PLCD3: variants seen among roughly 807,000 people sequenced by gnomAD.
The protein encoded by PLCD3 is phospholipase C delta 3.
In PLCD3, 62 loss-of-function variants were observed where a neutral mutation model predicts 82.8. That is an observed-to-expected ratio of 0.75 (90% CI 0.61 to 0.93). The LOEUF is 0.93. Ranked by LOEUF, PLCD3 falls within the 40% of genes least tolerant of loss-of-function variation. The pLI, the probability that PLCD3 is intolerant of heterozygous loss-of-function variation, is 0.00. For missense variants in PLCD3, 1,023 were observed against 1,103.4 expected, an observed-to-expected ratio of 0.93 and a Z score of 1.03; for synonymous variants, 478 against 471.8, an observed-to-expected ratio of 1.01 and a Z score of -0.17.
intron 1 of PLCD3, among the ~76,000 whole-genome samples, chr17:45,127,569 A>G (rs2054390422): frequency 6.6e-6 from 1 of 152,188 alleles, no homozygotes; most frequent in African/African-American, 2.4e-5. Context: ...CAGAGAGGAC[A>G]AGCCCTGTGT....
In PLCD3 at chr17:45,118,161, A is replaced by G. The variant is rs1316304815; in HGVS notation, c.1116-23T>C. On this transcript the variant is annotated intron_variant, in intron 6 of 14. Transcript: ENST00000619929. The surrounding 1 kb of genome is among the most constrained non-coding windows in gnomAD (Gnocchi z 4.1). ...GCCCTGTGTGTGGACAGATGGGTGG[A>G]CGGGCAAGGTGTTGCCAGAGTGCCA... The G allele has an allele frequency of 2.5e-6, 4 of 1,613,784 alleles. No homozygotes were observed. Among genetic ancestry groups the G allele is most frequent in the Middle Eastern group, 1.6e-4 (1 of 6,076 alleles).
At position 45,118,032 on chromosome 17, in the gene PLCD3, G is replaced by T; in HGVS notation, c.1222C>A (p.Arg408=). 1 of 1,613,640 alleles carries T rather than the reference G, an allele frequency of 6.2e-7. No individual in the cohort carries two copies. Among genetic ancestry groups the T allele is most frequent in the Non-Finnish European group, 8.5e-7 (1 of 1,179,780 alleles). The change falls in exon 7 of 15, where the codon CGG becomes AGG. Residue 408 remains arginine (R), a synonymous_variant. Transcript: ENST00000619929. This position sits in a 1 kb window ranked among gnomAD's most constrained non-coding sequence, Gnocchi z 4.1. The part of the protein sequence containing the change: ...GHTLTSKILF[R]DVVQAVRDHA... ...TCGCGCACGGCTTGGACCACGTCCC[G>T]GAAGAGAATCTTGGAGGTGAGGGTA...
rs73316974 is a variant in PLCD3, at chr17:45,131,590, C to T, written c.163+658G>A. On this transcript the variant is annotated intron_variant, in intron 1 of 14. Transcript: ENST00000619929. ...ACTTGTGAAATGAGGATTCACCTCCCACCTAGGAAGTCGAGGAAGATTGCA... is the reference window on the plus strand; with the variant it reads ...ACTTGTGAAATGAGGATTCACCTCCTACCTAGGAAGTCGAGGAAGATTGCA... 4.6e-3 allele frequency among the ~76,000 whole-genome samples: 694 copies of T among 152,338 alleles called. 5 individuals are homozygous for T. The highest frequency in any genetic ancestry group is 0.016 in the African/African-American group (680 of 41,582).
At position 45,118,856 on chromosome 17, in the gene PLCD3, C is replaced by T. The variant is rs759675322; in HGVS notation, c.872G>A (p.Arg291His). 1.8e-5 allele frequency: 29 copies of T among 1,611,562 alleles called. No homozygotes were observed. Among genetic ancestry groups the T allele is most frequent in the East Asian group, 1.1e-4 (5 of 44,886 alleles). ...ATAGGTCTGAATGAGCTGCTGGGCG[C>T]GGGCCAGTGTGGCGCCCTCCTCGCC... ...DQGEEGATLA[R>H]AQQLIQTYEL... The change falls in exon 5 of 15, where the codon CGC becomes CAC. Residue 291 changes from arginine to histidine, a missense_variant. This residue lies in a region of PLCD3 where 448 missense variants were observed against 406.3 expected (regional missense o/e 1.10). Coordinates refer to ENST00000619929, the MANE Select transcript of PLCD3 (RefSeq NM_133373.5). This position sits in a 1 kb window ranked among gnomAD's most constrained non-coding sequence, Gnocchi z 4.1.
At chr17:45,116,524 G>T in intron 8 of PLCD3, 108 bp downstream of exon 8, 1 of 1,198,020 alleles carries the variant, frequency 8.3e-7, no homozygotes, top group Non-Finnish European at 1.1e-6. Context: ...AAAAGTTAAG[G>T]CAGCAAGAGG....
In PLCD3 at chr17:45,112,853, C is replaced by A. The variant is rs1203824156; in HGVS notation, c.2281+10G>T. 4 of 1,611,958 alleles carry A rather than the reference C, an allele frequency of 2.5e-6. No individual in the cohort carries two copies. The South Asian group carries it at 3.3e-5, about 13-fold the overall frequency. ...CACATCCCTCTCCATCCCCACCAGC[C>A]TCCACCAACCTTGCTTTAGGCTGCT... On this transcript the variant is annotated intron_variant, in intron 14 of 14. Transcript: ENST00000619929.
rs527527818 is a variant in PLCD3 at position 45,121,216 on chromosome 17, T to G, written c.320A>C (p.His107Pro). The change falls in exon 2 of 15, where the codon CAC (histidine) becomes CCC (proline). Residue 107 changes from histidine to proline, a missense_variant. Physicochemically the swap from His to Pro is moderately conservative, Grantham distance 77. Around this residue, in one of 3 missense-constraint regions of PLCD3, gnomAD observed 448 missense variants for 406.3 expected, o/e 1.10. Coordinates refer to ENST00000619929, the MANE Select transcript of PLCD3 (RefSeq NM_133373.5). ...GGCGCTCCCCGGCCTCTCACAGATGTGCTGCGATGGCGCACGCGGGATGCG... is the reference window on the plus strand; with the variant it reads ...GGCGCTCCCCGGCCTCTCACAGATGGGCTGCGATGGCGCACGCGGGATGCG... ...QRRIPRAPSQ[H>P]IFFVQHIEAV... The G allele has an allele frequency of 6.3e-7, 1 of 1,585,646 alleles. No homozygotes were observed. The highest frequency in any genetic ancestry group is 8.5e-7 in the Non-Finnish European group (1 of 1,174,208).
chr17:45,119,205 T>C, intron 4 of PLCD3, 162 bp from the exon 5 acceptor site: 1 of 626,874 alleles, frequency 1.6e-6, no homozygotes, highest in East Asian at 2.8e-5. Context: ...GCTGGTAAAT[T>C]ACAGGGCAGG....
rs756790534 is a variant in PLCD3 at position 45,118,879 on chromosome 17, G to A, written c.849C>T (p.Gly283=). 1.2e-5 allele frequency: 19 copies of A among 1,612,098 alleles called. No individual in the cohort carries two copies. The highest frequency in any genetic ancestry group is 1.3e-5 in the African/African-American group (1 of 74,896). ...PELLEFLEDQ[G]EEGATLARAQ... Reference sequence around the variant, plus strand: ...CGCGGGCCAGTGTGGCGCCCTCCTCGCCCTGGTCCTCCAGGAACTCCAGCA... The same window carrying A: ...CGCGGGCCAGTGTGGCGCCCTCCTCACCCTGGTCCTCCAGGAACTCCAGCA... The change falls in exon 5 of 15, where the codon GGC becomes GGT. Residue 283 remains glycine, a synonymous_variant. Transcript: ENST00000619929. This position sits in a 1 kb window ranked among gnomAD's most constrained non-coding sequence, Gnocchi z 4.1.
At position 45,132,342 on chromosome 17, in the gene PLCD3, T is replaced by G; in HGVS notation, c.69A>C (p.Ala23=). The change falls in exon 1 of 15, where the codon GCA becomes GCC. Residue 23 remains alanine (A), a synonymous_variant. Coordinates refer to ENST00000619929, the MANE Select transcript of PLCD3 (RefSeq NM_133373.5). The surrounding 1 kb of genome is among the most constrained non-coding windows in gnomAD (Gnocchi z 4.6). ...GAGCGACCGGCGCCGCGACTTGGGC[T>G]GCGACCTGGGCGGCCACCGGGGGCT... The part of the protein sequence containing the change: ...PEEPPVAAQV[A]AQVAAPVALP... 8.1e-7 allele frequency: 1 copy of G among 1,233,564 alleles called. No individual in the cohort carries two copies. The highest frequency in any genetic ancestry group is 1.0e-6 in the Non-Finnish European group (1 of 988,216). The allele number at this position is 1,233,564 out of a possible 1,614,324, so 76.4% of individuals were successfully genotyped here. A position where few individuals can be genotyped will look rare whatever the true frequency, so the allele number is the denominator to read the frequency against.
rs779374783 is a variant in PLCD3, at chr17:45,118,814, C to T, written c.913+1G>A. ...CGACCTGGCCGTGCCACCCCCCCCACCTGTCTCGTTGAGCTCATAGGTCTG... is the reference window on the plus strand; with the variant it reads ...CGACCTGGCCGTGCCACCCCCCCCATCTGTCTCGTTGAGCTCATAGGTCTG... On this transcript the variant is annotated splice_donor_variant, in intron 5 of 14. Coordinates refer to ENST00000619929, the MANE Select transcript of PLCD3 (RefSeq NM_133373.5). LOFTEE classifies it high-confidence loss of function. The surrounding 1 kb of genome is among the most constrained non-coding windows in gnomAD (Gnocchi z 4.1). The T allele has an allele frequency of 3.1e-6, 5 of 1,599,324 alleles. No homozygotes were observed. The highest frequency in any genetic ancestry group is 1.7e-4 in the Middle Eastern group (1 of 5,940).
At chr17:45,122,156 A>T (rs144859284) in intron 1 of PLCD3, among the ~76,000 whole-genome samples, 30 of 152,254 alleles carry the variant, frequency 2.0e-4, no homozygotes, top group African/African-American at 6.5e-4. Context: ...GACAAGGAGG[A>T]CAGCAGAGGC....
chr17:45,126,973 A>C (rs762812516), intron 1 of PLCD3, among the ~76,000 whole-genome samples: 2 of 152,234 alleles, frequency 1.3e-5, no homozygotes, highest in Non-Finnish European at 2.9e-5. Flanking sequence ...TATGTGAATG[A>C]ATATCTCAAA....
chr17:45,116,160 G>A (rs372944899), intron 8 of PLCD3, among the ~76,000 whole-genome samples: 11 of 152,354 alleles, frequency 7.2e-5, no homozygotes, highest in African/African-American at 2.6e-4. Flanking sequence ...CCGAGGACGC[G>A]CTCTGGTGTC....
chr17:45,117,925 G>A, intron 7 of PLCD3, 69 bp downstream of exon 7: 1 of 1,575,344 alleles, frequency 6.3e-7, no homozygotes, highest in Non-Finnish European at 8.6e-7. Flanking sequence ...GAGGGCAGCT[G>A]GCATGTGAGT....
At position 45,118,258 on chromosome 17, in the gene PLCD3, G is replaced by C; in HGVS notation, c.1115+33C>G. On this transcript the variant is annotated intron_variant, in intron 6 of 14. Coordinates refer to ENST00000619929, the MANE Select transcript of PLCD3 (RefSeq NM_133373.5). This position sits in a 1 kb window ranked among gnomAD's most constrained non-coding sequence, Gnocchi z 4.1. ...CAGCCCATGTCTCTCCCCAGGTGGG[G>C]CTCCCGGAAACATTCACCCCCTGCT... 9 of 1,613,100 alleles carry C rather than the reference G, an allele frequency of 5.6e-6. No homozygotes were observed. Among genetic ancestry groups the C allele is most frequent in the Non-Finnish European group, 7.6e-6 (9 of 1,179,230 alleles).
At position 45,118,733 on chromosome 17, in the gene PLCD3, C is replaced by T. The variant is rs1309681566; in HGVS notation, c.913+82G>A. ...GAGGTAACCTGCCCGAGATGATGCCCGCGCCAGCCCGCAGCAGAACCCGCT... is the reference window on the plus strand; with the variant it reads ...GAGGTAACCTGCCCGAGATGATGCCTGCGCCAGCCCGCAGCAGAACCCGCT... On this transcript the variant is annotated intron_variant, in intron 5 of 14. Transcript: ENST00000619929. The surrounding 1 kb of genome is among the most constrained non-coding windows in gnomAD (Gnocchi z 4.1). 1.5e-5 allele frequency: 21 copies of T among 1,406,842 alleles called. No homozygotes were observed. Among genetic ancestry groups the T allele is most frequent in the East Asian group, 2.5e-5 (1 of 40,570 alleles). 87.1% of individuals were successfully genotyped at this position (1,406,842 alleles called of 1,614,324 possible). A position where few individuals can be genotyped will look rare whatever the true frequency, so the allele number is the denominator to read the frequency against.
At position 45,115,437 on chromosome 17, in the gene PLCD3, G is replaced by A. The variant is rs2143553004; in HGVS notation, c.1467C>T (p.Ser489=). 5.0e-6 allele frequency: 8 copies of A among 1,612,038 alleles called. No individual in the cohort carries two copies. Among genetic ancestry groups the A allele is most frequent in the Middle Eastern group, 1.7e-4 (1 of 6,060 alleles). The stretch of plus-strand genomic sequence containing the variant: ...GATCCGACAGAGCCCGGCCATCCTC[G>A]CTCCGAGCAGCGGGCAACTTCTTTC... ...VKGKKLPAAR[S]EDGRALSDRE... is the part of the protein sequence containing the mutation. Residue 489 remains serine, a synonymous_variant, in exon 9 of 15, where the codon AGC becomes AGT. Transcript: ENST00000619929.
Position 45,113,435 on chromosome 17 carries a change from T to G in PLCD3, c.1995+4A>C, listed in dbSNP as rs774512229. The G allele has an allele frequency of 7.4e-5, 118 of 1,589,554 alleles. No individual in the cohort carries two copies. Among genetic ancestry groups the G allele is most frequent in the Non-Finnish European group, 9.9e-5 (116 of 1,168,038 alleles). On this transcript the variant is annotated splice_donor_region_variant and intron_variant, in intron 12 of 14. Coordinates refer to ENST00000619929, the MANE Select transcript of PLCD3 (RefSeq NM_133373.5). ...CACACTGGGGCCCGTTCCAGCCTGCTGACCTGGATGCTGAGAGTGGTTCTG... is the reference window on the plus strand; with the variant it reads ...CACACTGGGGCCCGTTCCAGCCTGCGGACCTGGATGCTGAGAGTGGTTCTG...
Sources: gnomAD v4.1 joint callset for allele counts (sites outside exome capture counted in the v4.1 genomes callset) on GRCh38, gnomAD v4.1.1 for gene constraint, gnomAD v4.1.1 regional missense constraint, Gnocchi (gnomAD v3.1) non-coding constraint, MANE v1.5 for transcripts, NCBI Gene and HGNC (gene_info 2026-07-23, HGNC 2026-07-21) for gene names.